The following PCDHA5 variants were observed in gnomAD, a reference collection of about 807,000 sequenced individuals.
PCDHA5 encodes the protein protocadherin alpha 5.
In PCDHA5, 43 loss-of-function variants were observed where a neutral mutation model predicts 61.6. The ratio of observed to expected loss-of-function variants is 0.70; its 90% CI spans 0.55 to 0.90. The LOEUF (loss-of-function observed/expected upper bound fraction) is 0.90, where lower values mean the gene tolerates loss of function less well. Among genes scored for constraint, PCDHA5 ranks in the 40% least tolerant of loss-of-function variants. PCDHA5 has a pLI of 0.00. For synonymous variants in PCDHA5, 627 were observed against 543.9 expected, an observed-to-expected ratio of 1.15 and a Z score of -2.13; for missense variants, 1,298 against 1,222.7, an observed-to-expected ratio of 1.06 and a Z score of -0.92.
Position 140,842,675 on chromosome 5 carries a change from G to A in PCDHA5, c.2352+18548G>A. The A allele has an allele frequency of 1.3e-5, 20 of 1,595,468 alleles. 3 individuals are homozygous for A. The highest frequency in any genetic ancestry group is 3.5e-4 in the Middle Eastern group (2 of 5,774). ...GGAGGTGGCCGACGTGAACGACAAT[G>A]CTCCGGCGTTCGCGCAGCCCGAGTA... On this transcript the variant is annotated intron_variant, in intron 1 of 3. Transcript: ENST00000529859.
chr5:140,850,031 G>A (rs2150464401), intron 1 of PCDHA5: 5 of 1,596,722 alleles, frequency 3.1e-6, no homozygotes, highest in East Asian at 4.5e-5. Context: ...CAGTGCACGC[G>A]GAGAGCGGCA....
Position 141,012,063 on chromosome 5 carries a change from T to C in PCDHA5, c.*2126T>C, listed in dbSNP as rs948658172. ...TGGGGTAAAACTTGTTACCAACACATGTGAACCATTGCTACATTGTAGGTT... is the reference window on the plus strand; with the variant it reads ...TGGGGTAAAACTTGTTACCAACACACGTGAACCATTGCTACATTGTAGGTT... On this transcript the variant is annotated 3_prime_UTR_variant, in exon 4 of 4. Transcript: ENST00000529859. The C allele has an allele frequency of 1.3e-5, 2 of 153,778 alleles. No individual in the cohort carries two copies. The highest frequency in any genetic ancestry group is 3.8e-4 in the East Asian group (2 of 5,196). The allele number at this position is 153,778 out of a possible 1,614,324, so 9.5% of individuals were successfully genotyped here. A position where few individuals can be genotyped will look rare whatever the true frequency, so the allele number is the denominator to read the frequency against.
intron 1 of PCDHA5, chr5:140,849,885 G>C (rs2150456327): frequency 1.3e-6 from 2 of 1,598,614 alleles, no homozygotes; most frequent in Non-Finnish European, 1.7e-6. Flanking sequence ...CACGGTGTTC[G>C]TGAAGGAGAA....
At chr5:140,884,547 C>T (rs1554181712) in intron 1 of PCDHA5, 5 of 1,614,214 alleles carry the variant, frequency 3.1e-6, no homozygotes, top group Admixed American at 1.7e-5. Context: ...AGGGTGTGCT[C>T]TGGGGAGGGC....
chr5:140,987,579 G>A (rs1587244490), intron 3 of PCDHA5, among the ~76,000 whole-genome samples: 1 of 152,280 alleles, frequency 6.6e-6, no homozygotes, highest in East Asian at 1.9e-4. Flanking sequence ...TCTATAAAAT[G>A]GGGAGAATAG....
chr5:141,006,157 A>G (rs2098258108), intron 3 of PCDHA5, among the ~76,000 whole-genome samples: 1 of 150,182 alleles, frequency 6.7e-6, no homozygotes, highest in Non-Finnish European at 1.5e-5. Context: ...GGAGTGATAT[A>G]ATCTGATTTA....
In PCDHA5 at chr5:140,927,810, GGAGGCATACATT is replaced by G. The variant is rs782126534; in HGVS notation, c.2353-51133_2353-51122del. Reference sequence around the variant, plus strand: ...CACTAGGTCCGCCTGAAACGCTCTTGGAGGCATACATTGAGGCGAGGGACGAAGGTGTCTTTG... The same window carrying G: ...CACTAGGTCCGCCTGAAACGCTCTTGGAGGCGAGGGACGAAGGTGTCTTTG... On this transcript the variant is annotated intron_variant, in intron 1 of 3. Transcript: ENST00000529859. 3.7e-6 allele frequency: 6 copies of G among 1,614,082 alleles called. No individual in the cohort carries two copies. The South Asian group carries it at 6.6e-5, about 18-fold the overall frequency.
chr5:140,942,769 T>A (rs1554215212), intron 1 of PCDHA5, among the ~76,000 whole-genome samples: 1 of 152,202 alleles, frequency 6.6e-6, no homozygotes, highest in Non-Finnish European at 1.5e-5. Flanking sequence ...GCATAATGTA[T>A]TTTTAGGCAG....
Position 140,848,043 on chromosome 5 carries a change from A to C in PCDHA5, c.2352+23916A>C, listed in dbSNP as rs115415885. On this transcript the variant is annotated intron_variant, in intron 1 of 3. Transcript: ENST00000529859. Reference sequence around the variant, plus strand: ...AAATTCGTGATTGCTCAATGGAATCATTTTAATTGTTACTTCATTTCTGTC... The same window carrying C: ...AAATTCGTGATTGCTCAATGGAATCCTTTTAATTGTTACTTCATTTCTGTC... 2.3e-3 allele frequency: 368 copies of C among 160,610 alleles called. 14 individuals carry two copies. Among genetic ancestry groups the C allele is most frequent in the African/African-American group, 8.0e-3 (330 of 41,090 alleles). 9.9% of individuals were successfully genotyped at this position (160,610 alleles called of 1,614,324 possible). A position where few individuals can be genotyped will look rare whatever the true frequency, so the allele number is the denominator to read the frequency against.
At chr5:140,860,617 A>G (rs2046479685) in intron 1 of PCDHA5, 1 of 152,238 alleles carries the variant, frequency 6.6e-6, no homozygotes, top group Non-Finnish European at 1.5e-5. Context: ...GAGAAACATA[A>G]ACATATGCAG....
chr5:140,896,283 T>TG (rs1440417603), intron 1 of PCDHA5, among the ~76,000 whole-genome samples: 4 of 152,258 alleles, frequency 2.6e-5, no homozygotes, highest in Admixed American at 6.5e-5. Context: ...CTGGCTTGAA[T>TG]GGTAAGTTCT....
chr5:140,896,583 G>T (rs557774521), intron 1 of PCDHA5, among the ~76,000 whole-genome samples: 1 of 151,654 alleles, frequency 6.6e-6, no homozygotes, highest in South Asian at 2.1e-4. Context: ...TGACGTGTTG[G>T]CCAGGCTGGT....
intron 3 of PCDHA5, 119 bp from the exon 4 acceptor site, chr5:141,009,508 C>T (rs923907688): frequency 6.7e-7 from 1 of 1,496,530 alleles, no homozygotes; most frequent in African/African-American, 1.4e-5. Flanking sequence ...GAACAAACAA[C>T]TCGTGATTTT....
chr5:140,842,688 C>T (rs2150342065), intron 1 of PCDHA5: 3 of 1,595,284 alleles, frequency 1.9e-6, no homozygotes, highest in Non-Finnish European at 1.7e-6. Flanking sequence ...CCGGCGTTCG[C>T]GCAGCCCGAG....
chr5:140,958,422 C>A (rs1436234763), intron 1 of PCDHA5, among the ~76,000 whole-genome samples: 1 of 152,120 alleles, frequency 6.6e-6, no homozygotes, highest in African/African-American at 2.4e-5. Context: ...TGGAAAGAAG[C>A]ACTTTTTATA....
rs782023174 is a variant in PCDHA5 at position 140,870,968 on chromosome 5, G to A, written c.2352+46841G>A. 39 of 1,613,492 alleles carry A rather than the reference G, an allele frequency of 2.4e-5. No homozygotes were observed. Among genetic ancestry groups the A allele is most frequent in the Admixed American group, 2.2e-4 (13 of 59,998 alleles). ...GCGGGCGGCTCGCGCATCCCGTTCC[G>A]CGTGGGGCTGTACACGGGCGAGATA... On this transcript the variant is annotated intron_variant, in intron 1 of 3. Transcript: ENST00000529859.
intron 1 of PCDHA5, chr5:140,825,552 G>A (rs2150140091): frequency 2.0e-5 from 3 of 151,568 alleles, no homozygotes; most frequent in Admixed American, 6.6e-5. Flanking sequence ...ATCTTCCCAA[G>A]TAGCTGGGAT....
chr5:140,853,170 C>G, intron 1 of PCDHA5: 1 of 964,208 alleles, frequency 1.0e-6, no homozygotes, highest in South Asian at 4.8e-5. Flanking sequence ...TGAGCCACCG[C>G]GCCTGGCCTA....
intron 1 of PCDHA5, among the ~76,000 whole-genome samples, chr5:140,899,694 T>G (rs961067519): frequency 2.0e-5 from 3 of 152,236 alleles, no homozygotes; most frequent in African/African-American, 4.8e-5. Flanking sequence ...GCTGGCCTCA[T>G]AAAATGAGTT....
Sources: gnomAD v4.1 joint callset for allele counts (sites outside exome capture counted in the v4.1 genomes callset) on GRCh38, gnomAD v4.1.1 for gene constraint, MANE v1.5 for transcripts, NCBI Gene and HGNC (gene_info 2026-07-23, HGNC 2026-07-21) for gene names.